Variants in CFAP54 observed in about 807,000 individuals in gnomAD.
CFAP54 encodes the protein cilia and flagella associated protein 54.
A neutral mutation model predicts 370.4 loss-of-function variants in CFAP54; 290 were observed. That is an observed-to-expected ratio of 0.78 (90% confidence interval 0.71 to 0.86). The LOEUF (loss-of-function observed/expected upper bound fraction) is 0.86. Ranked by LOEUF, CFAP54 falls within the 40% of genes least tolerant of loss-of-function variation. The pLI, the probability that CFAP54 is intolerant of heterozygous loss-of-function variation, is 0.00. For synonymous variants in CFAP54, 1,206 were observed against 1,236.5 expected, an observed-to-expected ratio of 0.98 and a Z score of 0.52; for missense variants, 3,399 against 3,528.7, an observed-to-expected ratio of 0.96 and a Z score of 0.93.
chr12:96,627,069 T>C, intron 30 of CFAP54, 130 bp downstream of exon 30: 1 of 511,060 alleles, frequency 2.0e-6, no homozygotes, highest in East Asian at 3.6e-5. Context: ...GCCTAAGAGA[T>C]AGTGAAAATT....
intron 15 of CFAP54, among the ~76,000 whole-genome samples, chr12:96,551,291 A>C (rs1955691114): frequency 6.6e-6 from 1 of 151,998 alleles, no homozygotes; most frequent in East Asian, 1.9e-4. Context: ...CCCCAAACCC[A>C]AAAAAACCCG....
intron 56 of CFAP54, among the ~76,000 whole-genome samples, chr12:96,754,534 C>A (rs1958228248): frequency 6.6e-6 from 1 of 152,052 alleles, no homozygotes; most frequent in Non-Finnish European, 1.5e-5. Context: ...ATGACAAATC[C>A]TGCTTGATGA....
intron 50 of CFAP54, among the ~76,000 whole-genome samples, chr12:96,733,946 G>A (rs1367973973): frequency 3.9e-5 from 6 of 152,184 alleles, no homozygotes; most frequent in African/African-American, 1.2e-4. Flanking sequence ...GTTAGCCTTG[G>A]AAACTACTGA....
chr12:96,537,484 G>A (rs1364959366), intron 12 of CFAP54, among the ~76,000 whole-genome samples: 1 of 152,090 alleles, frequency 6.6e-6, no homozygotes. Flanking sequence ...TGGGACTACA[G>A]GCACACGACA....
chr12:96,493,001 A>G (rs1165075376), intron 1 of CFAP54, among the ~76,000 whole-genome samples: 1 of 152,120 alleles, frequency 6.6e-6, no homozygotes, highest in Non-Finnish European at 1.5e-5. Context: ...TCTCAAAAAA[A>G]AAAAAAAAGA....
chr12:96,853,273 C>A lies in CFAP54; in HGVS notation c.9172-7546C>A, dbSNP rs567264182. Among the ~76,000 whole-genome samples the A allele has an allele frequency of 1.9e-3, 282 of 152,120 alleles. 1 individual carries two copies. Among genetic ancestry groups the A allele is most frequent in the Middle Eastern group, 6.8e-3 (2 of 292 alleles). On this transcript the variant is annotated intron_variant, in intron 66 of 67. Coordinates refer to ENST00000524981, the MANE Select transcript of CFAP54 (RefSeq NM_001306084.2). ...ATGAACAAACTATTGCTTCATTCAA[C>A]AACATGGATGAAACTCAAAAAAGCC... is the stretch of plus-strand genomic sequence containing the variant.
At chr12:96,818,912 G>T (rs960458567) in intron 65 of CFAP54, among the ~76,000 whole-genome samples, 1 of 152,190 alleles carries the variant, frequency 6.6e-6, no homozygotes, top group Non-Finnish European at 1.5e-5. Flanking sequence ...AATGAGAAGG[G>T]TAGGGAATAT....
intron 58 of CFAP54, among the ~76,000 whole-genome samples, chr12:96,758,636 T>C (rs728278): frequency 0.36 from 55,403 of 151,940 alleles, 10,876 homozygotes; most frequent in East Asian, 0.58. Context: ...ATAACTTGTA[T>C]TGGTGGAATT....
rs1958388302 is a variant in CFAP54 at position 96,765,193 on chromosome 12, G to T, written c.8256G>T (p.Leu2752Phe). The T allele has an allele frequency of 2.6e-6, 4 of 1,536,346 alleles. No individual in the cohort carries two copies. Among genetic ancestry groups the T allele is most frequent in the Non-Finnish European group, 3.5e-6 (4 of 1,127,864 alleles). The change falls in exon 60 of 68, where the codon TTG becomes TTT. Residue 2752 changes from leucine to phenylalanine, a missense_variant. Transcript: ENST00000524981. ...CAGAATTTGCTGCTCTGGATCTTTT[G>T]TCTTCGTATACAGATTATTTGCTTG... ...NIPEFAALDL[L>F]SSYTDYLLDN...
intron 33 of CFAP54, chr12:96,647,092 T>TA (rs1284417076): frequency 3.3e-5 from 5 of 152,008 alleles, no homozygotes; most frequent in South Asian, 2.1e-4. Context: ...CCCTAAAACT[T>TA]AAAGTATAAT....
chr12:96,578,387 A>T lies in CFAP54; in HGVS notation c.2796+1626A>T, dbSNP rs564537295. ...TGCTGTTGATACTGGTTTTAAAGTT[A>T]AACTTTGGATTTTTGGAATCTGTTT... On this transcript the variant is annotated intron_variant, in intron 20 of 67. Transcript: ENST00000524981. 2.0e-5 allele frequency among the ~76,000 whole-genome samples: 3 copies of T among 152,320 alleles called. No individual in the cohort carries two copies. The East Asian group carries it at 5.8e-4, about 29-fold the overall frequency.
At chr12:96,606,309 A>G (rs940555054) in intron 26 of CFAP54, among the ~76,000 whole-genome samples, 3 of 152,192 alleles carry the variant, frequency 2.0e-5, no homozygotes, top group African/African-American at 7.2e-5. Context: ...TTGAGTGGGC[A>G]GGTTTCAGCA....
rs370060570 is a variant in CFAP54 at position 96,670,984 on chromosome 12, T to A, written c.5563+7052T>A. Among the ~76,000 whole-genome samples, 8 of 152,298 alleles carry A rather than the reference T, an allele frequency of 5.3e-5. 1 individual carries two copies. In the South Asian group the frequency reaches 1.7e-3, roughly 32 times the overall value. On this transcript the variant is annotated intron_variant, in intron 39 of 67. Transcript: ENST00000524981. ...ACCCTGAGCATTCAGTATTTATTTT[T>A]TTATTTATTTATTTAGATGAAGTCT...
At chr12:96,869,204 GT>G (rs1960085967) in intron 67 of CFAP54, among the ~76,000 whole-genome samples, 1 of 152,070 alleles carries the variant, frequency 6.6e-6, no homozygotes, top group Non-Finnish European at 1.5e-5. Context: ...CTTAGAAACA[GT>G]TTAATTTTTG....
intron 67 of CFAP54, among the ~76,000 whole-genome samples, chr12:96,861,393 T>G (rs977831084): frequency 6.6e-6 from 1 of 152,144 alleles, no homozygotes; most frequent in Non-Finnish European, 1.5e-5. Context: ...ACAAGACGGC[T>G]CCCACAACAA....
intron 66 of CFAP54, among the ~76,000 whole-genome samples, chr12:96,846,046 A>G (rs1959334397): frequency 6.6e-6 from 1 of 152,202 alleles, no homozygotes; most frequent in South Asian, 2.1e-4. Context: ...ACCCTGGTCT[A>G]TATCCAGTCA....
At chr12:96,563,692 T>C (rs574326033) in intron 17 of CFAP54, among the ~76,000 whole-genome samples, 91 of 152,356 alleles carry the variant, frequency 6.0e-4, no homozygotes, top group African/African-American at 2.2e-3. Flanking sequence ...TGGTGGCTCA[T>C]GTGCATTAGC....
At chr12:96,813,319 A>G (rs1424838839) in intron 64 of CFAP54, among the ~76,000 whole-genome samples, 2 of 152,286 alleles carry the variant, frequency 1.3e-5, no homozygotes, top group East Asian at 3.9e-4. Context: ...CTGTGAAAAT[A>G]AACTATTTCT....
At chr12:96,707,965 C>A (rs927719683) in intron 47 of CFAP54, among the ~76,000 whole-genome samples, 1 of 152,072 alleles carries the variant, frequency 6.6e-6, no homozygotes, top group African/African-American at 2.4e-5. Context: ...TATTACCAGG[C>A]AGCATTGAGG....
Sources: allele counts gnomAD v4.1 joint callset (sites outside exome capture counted in the v4.1 genomes callset), GRCh38; gene constraint gnomAD v4.1.1; transcripts MANE v1.5; gene names NCBI Gene and HGNC (gene_info 2026-07-23, HGNC 2026-07-21).